Variants in LRP5 observed in about 807,000 individuals in gnomAD.
The protein encoded by LRP5 is LDL receptor related protein 5, also known as low-density lipoprotein receptor-related protein 5.
A neutral mutation model predicts 154.1 loss-of-function variants in LRP5; 62 were observed. The ratio of observed to expected loss-of-function variants is 0.40; its 90% confidence interval spans 0.33 to 0.50. The LOEUF (loss-of-function observed/expected upper bound fraction) is 0.50. LRP5 is among the 20% of genes least tolerant of loss of function. The pLI is 0.55. For missense variants in LRP5, 1,915 were observed against 2,336.7 expected (o/e 0.82, Z 3.72); for synonymous variants, 966 against 1,011.5 (o/e 0.96, Z 0.85).
intron 7 of LRP5, among the ~76,000 whole-genome samples, chr11:68,398,372 C>T (rs1410508714): frequency 1.3e-5 from 2 of 152,222 alleles, no homozygotes; most frequent in African/African-American, 2.4e-5. Flanking sequence ...CCTTGGTGTG[C>T]TGGTCAGGGG....
At chr11:68,385,011 T>C (rs2098642228) in intron 5 of LRP5, among the ~76,000 whole-genome samples, 1 of 152,222 alleles carries the variant, frequency 6.6e-6, no homozygotes. Context: ...GGTTGTACGC[T>C]GTCAGGTCAC....
At chr11:68,409,069 A>ATATATATATAT (rs1420282770) in intron 9 of LRP5, among the ~76,000 whole-genome samples, 20 of 51,070 alleles carry the variant, frequency 3.9e-4, no homozygotes, top group African/African-American at 1.9e-3. Context: ...AAAAAAAAAA[A>ATATATATATAT]AAAAATATAT....
intron 1 of LRP5, among the ~76,000 whole-genome samples, chr11:68,329,785 G>C (rs1317929517): frequency 6.6e-6 from 1 of 152,190 alleles, no homozygotes; most frequent in African/African-American, 2.4e-5. Context: ...TGACACCCCT[G>C]AGTCAGTCTC....
Position 68,371,508 on chromosome 11 carries a change from C to G in LRP5, c.1015+5806C>G, listed in dbSNP as rs546901422. Among the ~76,000 whole-genome samples the G allele has an allele frequency of 4.6e-5, 7 of 152,338 alleles. No homozygotes were observed. In the East Asian group the frequency reaches 1.3e-3, roughly 29 times the overall value. On this transcript the variant is annotated intron_variant, in intron 5 of 22. Coordinates refer to ENST00000294304, the MANE Select transcript of LRP5 (RefSeq NM_002335.4). ...GGTTTCATTCCTTGCCGTAAAATAT[C>G]ACGTTAAAGGAAAATGTTTTGTTAA...
Position 68,321,334 on chromosome 11 carries a change from T to C in LRP5, c.91+8529T>C, listed in dbSNP as rs150731801. ...ATCAGTTATGTAAATTCCCACCTCA[T>C]TGTCCTTTTCAAAAGACGTATTGGC... On this transcript the variant is annotated intron_variant, in intron 1 of 22. Coordinates refer to ENST00000294304, the MANE Select transcript of LRP5 (RefSeq NM_002335.4). Among the ~76,000 whole-genome samples the C allele has an allele frequency of 3.7e-3, 560 of 152,320 alleles. 3 individuals are homozygous for C. The highest frequency in any genetic ancestry group is 0.017 in the Middle Eastern group (5 of 294).
chr11:68,443,586 T>TATATATA (rs1491131627), intron 21 of LRP5, among the ~76,000 whole-genome samples: 1 of 13,732 alleles, frequency 7.3e-5, no homozygotes, highest in Admixed American at 1.4e-3. Context: ...TATATATATA[T>TATATATA]TTTTTTTTTT....
At position 68,421,028 on chromosome 11, in the gene LRP5, C is replaced by T. The variant is rs751041116; in HGVS notation, c.3028-2461C>T. ...GATCATGAGGTCAGGAGATCAAGAC[C>T]ATCCTGGCCAACATGGTGAAACCCC... On this transcript the variant is annotated intron_variant, in intron 13 of 22. Coordinates refer to ENST00000294304, the MANE Select transcript of LRP5 (RefSeq NM_002335.4). 2.0e-5 allele frequency among the ~76,000 whole-genome samples: 3 copies of T among 152,132 alleles called. No homozygotes were observed. In the East Asian group the frequency reaches 5.8e-4, roughly 29 times the overall value.
chr11:68,359,319 G>A (rs2098625749), intron 3 of LRP5, among the ~76,000 whole-genome samples: 2 of 152,204 alleles, frequency 1.3e-5, no homozygotes, highest in Non-Finnish European at 2.9e-5. Flanking sequence ...CTTATGCTGA[G>A]CCACACATCT....
Position 68,425,096 on chromosome 11 carries a change from C to A in LRP5, c.3237-6C>A, listed in dbSNP as rs1363349518. ...CACCCGTCCTTCACCCGCCACCCTC[C>A]CGCAGGTACCTGTACTTCACCAACA... On this transcript the variant is annotated splice_polypyrimidine_tract_variant and splice_region_variant and intron_variant, in intron 14 of 22. Coordinates refer to ENST00000294304, the MANE Select transcript of LRP5 (RefSeq NM_002335.4). The A allele has an allele frequency of 6.2e-7, 1 of 1,613,406 alleles. No homozygotes were observed. The highest frequency in any genetic ancestry group is 1.7e-5 in the Admixed American group (1 of 60,010).
intron 8 of LRP5, 42 bp downstream of exon 8, chr11:68,403,741 C>T (rs762186853): frequency 6.2e-7 from 1 of 1,607,322 alleles, no homozygotes; most frequent in South Asian, 1.1e-5. Context: ...GCCATGCAGA[C>T]TTGCATGAGG....
At chr11:68,427,975 T>TTTTATTTATTTA (rs1216983586) in intron 16 of LRP5, among the ~76,000 whole-genome samples, 1 of 43,420 alleles carries the variant, frequency 2.3e-5, no homozygotes, top group African/African-American at 5.8e-5. Context: ...ATTTTATTTT[T>TTTTATTTATTTA]TTTATTTATT....
intron 7 of LRP5, among the ~76,000 whole-genome samples, chr11:68,399,323 A>G (rs904608681): frequency 9.9e-5 from 15 of 151,998 alleles, no homozygotes; most frequent in African/African-American, 3.4e-4. Flanking sequence ...GCGAGCCAAG[A>G]TCGTGTCACT....
intron 5 of LRP5, among the ~76,000 whole-genome samples, chr11:68,376,686 CAG>C (rs1170156344): frequency 6.6e-6 from 1 of 152,226 alleles, no homozygotes; most frequent in Admixed American, 6.5e-5. Context: ...AGGCCACAGA[CAG>C]GGTGTCATGA....
chr11:68,340,659 G>A (rs1447159589), intron 1 of LRP5, among the ~76,000 whole-genome samples: 2 of 152,110 alleles, frequency 1.3e-5, no homozygotes, highest in Admixed American at 6.5e-5. Context: ...CTCTGAAGTG[G>A]TCACTCTCAG....
chr11:68,384,410 C>G (rs1393147268), intron 5 of LRP5, among the ~76,000 whole-genome samples: 1 of 152,118 alleles, frequency 6.6e-6, no homozygotes, highest in East Asian at 1.9e-4. Flanking sequence ...TGACCTGGGC[C>G]CCTGTGCAGG....
At position 68,425,568 on chromosome 11, in the gene LRP5, C is replaced by T. The variant is rs181883339; in HGVS notation, c.3427+276C>T. Reference sequence around the variant, plus strand: ...AGGACTGCAGCCTAGCCTCTGCCCCCAGCACCTGCGCAAGAAGCTGCTCTG... The same window carrying T: ...AGGACTGCAGCCTAGCCTCTGCCCCTAGCACCTGCGCAAGAAGCTGCTCTG... On this transcript the variant is annotated intron_variant, in intron 15 of 22. Coordinates refer to ENST00000294304, the MANE Select transcript of LRP5 (RefSeq NM_002335.4). Among the ~76,000 whole-genome samples the T allele has an allele frequency of 0.012, 1,786 of 152,328 alleles. 47 individuals are homozygous for T. Among genetic ancestry groups the T allele is most frequent in the African/African-American group, 0.041 (1,703 of 41,572 alleles).
intron 7 of LRP5, among the ~76,000 whole-genome samples, chr11:68,395,684 G>A (rs980336695): frequency 6.6e-6 from 1 of 152,112 alleles, no homozygotes. Context: ...TCTCTGGGAA[G>A]GTGCAGGTGG....
chr11:68,448,438 A>C (rs2098682612), intron 22 of LRP5, among the ~76,000 whole-genome samples: 1 of 152,208 alleles, frequency 6.6e-6, no homozygotes, highest in African/African-American at 2.4e-5. Context: ...TCACTTTCGA[A>C]ATGGGTACTA....
chr11:68,425,637 T>TGGAG (rs2098668337), intron 15 of LRP5, among the ~76,000 whole-genome samples: 1 of 151,928 alleles, frequency 6.6e-6, no homozygotes, highest in African/African-American at 2.4e-5. Context: ...GAAATGAGAG[T>TGGAG]TGGTGCTTAG....
Sources: allele counts gnomAD v4.1 joint callset (sites outside exome capture counted in the v4.1 genomes callset), GRCh38; gene constraint gnomAD v4.1.1; transcripts MANE v1.5; gene names NCBI Gene and HGNC (gene_info 2026-07-23, HGNC 2026-07-21).